CCDC148: variants seen among roughly 807,000 people sequenced by gnomAD.
The protein encoded by CCDC148 is coiled-coil domain containing 148.
A neutral mutation model predicts 85.7 loss-of-function variants in CCDC148; 89 were observed. The ratio of observed to expected loss-of-function variants is 1.04; its 90% CI spans 0.87 to 1.24. The LOEUF is 1.24. Ranked by LOEUF, CCDC148 falls within the 50% of genes most tolerant of loss-of-function variation. The pLI, the probability that CCDC148 is intolerant of heterozygous loss-of-function variation, is 0.00. For synonymous variants in CCDC148, 230 were observed against 213.9 expected, an observed-to-expected ratio of 1.08 and a Z score of -0.66; for missense variants, 692 against 671.7, an observed-to-expected ratio of 1.03 and a Z score of -0.33.
intron 10 of CCDC148, among the ~76,000 whole-genome samples, chr2:158,226,555 A>C (rs1186769668): frequency 1.3e-5 from 2 of 152,240 alleles, no homozygotes; most frequent in Non-Finnish European, 2.9e-5. Flanking sequence ...AAAAATAATC[A>C]ATAAAATACT....
At chr2:158,430,058 T>C (rs545125471) in intron 1 of CCDC148, among the ~76,000 whole-genome samples, 116 of 152,344 alleles carry the variant, frequency 7.6e-4, no homozygotes, top group African/African-American at 2.6e-3. Flanking sequence ...TGCTGAATAC[T>C]GAGAGGTGTG....
At chr2:158,321,489 G>C (rs2105221147) in intron 7 of CCDC148, among the ~76,000 whole-genome samples, 1 of 152,300 alleles carries the variant, frequency 6.6e-6, no homozygotes, top group South Asian at 2.1e-4. Context: ...TGCAGAACCT[G>C]AGACTGGACA....
At chr2:158,320,566 T>C (rs970557172) in intron 7 of CCDC148, among the ~76,000 whole-genome samples, 37 of 152,318 alleles carry the variant, frequency 2.4e-4, no homozygotes, top group African/African-American at 8.9e-4. Flanking sequence ...GACAATCTTG[T>C]CCATAGAAAT....
intron 10 of CCDC148, among the ~76,000 whole-genome samples, chr2:158,247,135 T>C (rs1053258402): frequency 2.0e-5 from 3 of 152,062 alleles, no homozygotes; most frequent in African/African-American, 4.8e-5. Flanking sequence ...AGAAATAGTA[T>C]CTAGAATTTA....
intron 1 of CCDC148, among the ~76,000 whole-genome samples, chr2:158,448,478 G>A (rs1057436758): frequency 1.3e-5 from 2 of 151,960 alleles, no homozygotes; most frequent in Admixed American, 6.6e-5. Flanking sequence ...CCCCTGAGGA[G>A]CTGGGACCAC....
At chr2:158,346,631 G>A (rs1380514858) in intron 2 of CCDC148, among the ~76,000 whole-genome samples, 1 of 152,218 alleles carries the variant, frequency 6.6e-6, no homozygotes, top group East Asian at 1.9e-4. Context: ...ACTCCAAACC[G>A]AAGTATTCCA....
intron 1 of CCDC148, among the ~76,000 whole-genome samples, chr2:158,402,132 T>C (rs1685811593): frequency 6.6e-6 from 1 of 152,080 alleles, no homozygotes; most frequent in Non-Finnish European, 1.5e-5. Context: ...AGTTATCATT[T>C]GATCGTAAAC....
chr2:158,354,385 A>G (rs959770298), intron 2 of CCDC148, among the ~76,000 whole-genome samples: 1 of 152,136 alleles, frequency 6.6e-6, no homozygotes, highest in Non-Finnish European at 1.5e-5. Context: ...ATAAAAAATG[A>G]TAAAGGGGAT....
At chr2:158,174,864 AAC>A (rs1463866648) in intron 13 of CCDC148, among the ~76,000 whole-genome samples, 1 of 152,056 alleles carries the variant, frequency 6.6e-6, no homozygotes, top group Non-Finnish European at 1.5e-5. Context: ...AGGGACCACC[AAC>A]ATATATGTGG....
chr2:158,225,754 C>G (rs1419673345), intron 10 of CCDC148, among the ~76,000 whole-genome samples: 1 of 152,068 alleles, frequency 6.6e-6, no homozygotes, highest in Non-Finnish European at 1.5e-5. Context: ...TCTTTGAAAC[C>G]AATGAGAACA....
chr2:158,257,071 T>C (rs1376151402), intron 9 of CCDC148, among the ~76,000 whole-genome samples: 1 of 151,586 alleles, frequency 6.6e-6, no homozygotes, highest in Non-Finnish European at 1.5e-5. Context: ...GCCTCTTGCA[T>C]TGATCTTTAA....
chr2:158,369,151 C>A (rs1410241594), intron 1 of CCDC148, among the ~76,000 whole-genome samples: 1 of 151,932 alleles, frequency 6.6e-6, no homozygotes, highest in African/African-American at 2.4e-5. Flanking sequence ...TTTCACTATA[C>A]GGGCTCTTTT....
At chr2:158,334,116 G>T (rs1693298542) in intron 7 of CCDC148, among the ~76,000 whole-genome samples, 1 of 152,138 alleles carries the variant, frequency 6.6e-6, no homozygotes, top group East Asian at 1.9e-4. Context: ...TCACAAAAGT[G>T]TGGAGTGCCT....
At chr2:158,238,081 G>A (rs1261439283) in intron 10 of CCDC148, among the ~76,000 whole-genome samples, 1 of 152,128 alleles carries the variant, frequency 6.6e-6, no homozygotes, top group Non-Finnish European at 1.5e-5. Flanking sequence ...GGAATGAGAG[G>A]AGAGACACTG....
chr2:158,310,489 G>C (rs141914539), intron 8 of CCDC148, among the ~76,000 whole-genome samples: 46,924 of 151,496 alleles, frequency 0.31, 8,005 homozygotes, highest in Middle Eastern at 0.44. Flanking sequence ...TCACTTCCCA[G>C]ACGTGACGGC....
In CCDC148 at chr2:158,382,151, T is replaced by A. The variant is rs571435463; in HGVS notation, c.26-23581A>T. The stretch of plus-strand genomic sequence containing the variant: ...GTCCTCATCTTGCCTCATCAAGCTC[T>A]CATCGCCAAATGCTGCTGGCACCTC... On this transcript the variant is annotated intron_variant, in intron 1 of 13. Coordinates refer to ENST00000283233, the MANE Select transcript of CCDC148 (RefSeq NM_138803.4). 3.3e-5 allele frequency among the ~76,000 whole-genome samples: 5 copies of A among 152,246 alleles called. No homozygotes were observed. In the East Asian group the frequency reaches 9.7e-4, roughly 29 times the overall value.
intron 9 of CCDC148, among the ~76,000 whole-genome samples, chr2:158,271,048 A>G (rs1244945554): frequency 6.6e-6 from 1 of 152,238 alleles, no homozygotes; most frequent in African/African-American, 2.4e-5. Flanking sequence ...GTTTAGTTTT[A>G]TAACCAAGCA....
rs776155049 is a variant in CCDC148 at position 158,250,909 on chromosome 2, G to A, written c.1114C>T (p.Arg372Cys). 31 of 1,591,070 alleles carry A rather than the reference G, an allele frequency of 1.9e-5. No individual in the cohort carries two copies. The highest frequency in any genetic ancestry group is 4.5e-5 in the South Asian group (4 of 88,982). Residue 372 changes from arginine to cysteine, a missense_variant, in exon 10 of 14, where the codon CGT becomes TGT. Physicochemically the swap from Arg to Cys is radical, Grantham distance 180 (BLOSUM62 -3). Transcript: ENST00000283233. ...ELCADLKAKVRQWRAHQEEVA... is the reference protein window; with the variant it reads ...ELCADLKAKVCQWRAHQEEVA... The stretch of plus-strand genomic sequence containing the variant: ...TCTTCTTGGTGGGCTCGCCATTGAC[G>A]AACCTGAAATAAAGAGAAAAACTTC...
At chr2:158,362,102 G>T (rs551005510) in intron 1 of CCDC148, among the ~76,000 whole-genome samples, 1 of 151,766 alleles carries the variant, frequency 6.6e-6, no homozygotes, top group African/African-American at 2.4e-5. Context: ...ATGCTAAAGG[G>T]ATCAATGGAA....
Sources: allele counts gnomAD v4.1 joint callset (sites outside exome capture counted in the v4.1 genomes callset), GRCh38; gene constraint gnomAD v4.1.1; transcripts MANE v1.5; gene names NCBI Gene and HGNC (gene_info 2026-07-23, HGNC 2026-07-21).